The following GRID2 variants were observed in gnomAD, a reference collection of about 807,000 sequenced individuals.
GRID2 encodes the protein glutamate ionotropic receptor delta type subunit 2.
GRID2 carries 33 observed loss-of-function variants against 114.8 expected under a neutral mutation model. That is an observed-to-expected ratio of 0.29 (90% confidence interval 0.22 to 0.38). GRID2 has a LOEUF of 0.38. Among genes scored for constraint, GRID2 ranks in the 10% least tolerant of loss-of-function variants. GRID2 has a pLI of 1.00. For missense variants in GRID2, 1,184 were observed against 1,257.7 expected, an observed-to-expected ratio of 0.94 and a Z score of 0.89; for synonymous variants, 505 against 449.9, an observed-to-expected ratio of 1.12 and a Z score of -1.55.
chr4:92,376,122 A>G (rs1729342784), intron 1 of GRID2, among the ~76,000 whole-genome samples: 1 of 152,032 alleles, frequency 6.6e-6, no homozygotes, highest in South Asian at 2.1e-4. Context: ...ATAAATTTCA[A>G]CACAGTGATA....
chr4:92,411,887 A>G (rs1731352143), intron 1 of GRID2, among the ~76,000 whole-genome samples: 1 of 151,360 alleles, frequency 6.6e-6, no homozygotes, highest in Non-Finnish European at 1.5e-5. Flanking sequence ...TTGTATTTTT[A>G]GTAGATACGG....
At chr4:93,789,570 A>T (rs555639079) in intron 1 of GRID2, among the ~76,000 whole-genome samples, 1 of 152,192 alleles carries the variant, frequency 6.6e-6, no homozygotes, top group Non-Finnish European at 1.5e-5. Flanking sequence ...TTGGTGCCAC[A>T]CTTTTCCTTT....
chr4:92,555,222 G>A (rs1286795202), intron 1 of GRID2, among the ~76,000 whole-genome samples: 1 of 152,088 alleles, frequency 6.6e-6, no homozygotes, highest in Non-Finnish European at 1.5e-5. Flanking sequence ...AATATAAAAG[G>A]CCATATTAAC....
chr4:92,377,180 A>C (rs1029602928), intron 1 of GRID2, among the ~76,000 whole-genome samples: 1 of 152,108 alleles, frequency 6.6e-6, no homozygotes, highest in Admixed American at 6.5e-5. Flanking sequence ...CCTTAACAGC[A>C]CCCAAGTCAC....
chr4:93,465,382 A>G lies in GRID2; in HGVS notation c.1858+9408A>G, dbSNP rs1168941802. On this transcript the variant is annotated intron_variant, in intron 11 of 15. Transcript: ENST00000282020. Reference sequence around the variant, plus strand: ...ATCTATAAAAATGTAAGATTCAGTAACATAAATATCTAACTAAACTACTCT... The same window carrying G: ...ATCTATAAAAATGTAAGATTCAGTAGCATAAATATCTAACTAAACTACTCT... Among the ~76,000 whole-genome samples the G allele has an allele frequency of 2.0e-5, 3 of 152,330 alleles. No homozygotes were observed. In the East Asian group the frequency reaches 5.8e-4, roughly 29 times the overall value.
chr4:93,654,192 T>C (rs1049948753), intron 14 of GRID2, among the ~76,000 whole-genome samples: 1 of 152,190 alleles, frequency 6.6e-6, no homozygotes, highest in Non-Finnish European at 1.5e-5. Context: ...TCTTAAACCA[T>C]GTGTGACTTT....
chr4:92,660,932 G>C (rs1732482405), intron 2 of GRID2, among the ~76,000 whole-genome samples: 1 of 150,854 alleles, frequency 6.6e-6, no homozygotes, highest in Admixed American at 6.6e-5. Flanking sequence ...AGAAATAATA[G>C]CTATTATCGG....
At chr4:93,406,126 A>G (rs1766386899) in intron 9 of GRID2, among the ~76,000 whole-genome samples, 1 of 152,080 alleles carries the variant, frequency 6.6e-6, no homozygotes, top group South Asian at 2.1e-4. Context: ...TATCTATCTA[A>G]TTTACTCCCA....
At chr4:92,841,736 A>G (rs1177153644) in intron 2 of GRID2, among the ~76,000 whole-genome samples, 1 of 152,170 alleles carries the variant, frequency 6.6e-6, no homozygotes, top group East Asian at 1.9e-4. Context: ...TCATTTTGCT[A>G]CCTTATCACT....
intron 3 of GRID2, among the ~76,000 whole-genome samples, chr4:93,093,954 T>C (rs986390911): frequency 1.9e-4 from 29 of 152,204 alleles, no homozygotes; most frequent in African/African-American, 6.7e-4. Context: ...CTGGTTTTGG[T>C]CTACTCCAAG....
At chr4:92,579,644 T>A (rs1016748824) in intron 1 of GRID2, among the ~76,000 whole-genome samples, 3 of 151,900 alleles carry the variant, frequency 2.0e-5, no homozygotes, top group Admixed American at 2.0e-4. Flanking sequence ...CTAACTTTTC[T>A]GATTCTTAGT....
intron 6 of GRID2, 70 bp from the exon 7 acceptor site, chr4:93,224,544 T>A (rs1434238851): frequency 2.1e-6 from 2 of 971,132 alleles, no homozygotes; most frequent in East Asian, 4.9e-5. Flanking sequence ...GTTGAGACAA[T>A]TATTTTTTTT....
intron 14 of GRID2, among the ~76,000 whole-genome samples, chr4:93,758,990 G>C (rs1441160569): frequency 6.6e-6 from 1 of 150,580 alleles, no homozygotes; most frequent in Non-Finnish European, 1.5e-5. Flanking sequence ...ATCTCAGTGG[G>C]AGCCATTGTC....
chr4:92,802,104 T>C (rs1740201172), intron 2 of GRID2, among the ~76,000 whole-genome samples: 1 of 151,970 alleles, frequency 6.6e-6, no homozygotes, highest in Non-Finnish European at 1.5e-5. Flanking sequence ...TTGTCTATCC[T>C]AAGTTGTACT....
Position 92,456,092 on chromosome 4 carries a change from T to C in GRID2, c.89-134039T>C, listed in dbSNP as rs142611218. Among the ~76,000 whole-genome samples the C allele has an allele frequency of 1.2e-3, 185 of 152,210 alleles. No homozygotes were observed. The East Asian group carries it at 0.035, about 29-fold the overall frequency. On this transcript the variant is annotated intron_variant, in intron 1 of 15. Coordinates refer to ENST00000282020, the MANE Select transcript of GRID2 (RefSeq NM_001510.4). ...CTAAATTATATTTCAGTGAAAAGCT[T>C]TCTCTCTAAAGTGCTAAAGGTATTT...
intron 2 of GRID2, among the ~76,000 whole-genome samples, chr4:92,604,282 TC>T (rs1408842247): frequency 6.6e-6 from 1 of 152,072 alleles, no homozygotes; most frequent in Non-Finnish European, 1.5e-5. Flanking sequence ...AGACATAGAA[TC>T]AATCCAAATG....
intron 2 of GRID2, among the ~76,000 whole-genome samples, chr4:93,039,510 A>G (rs1036343498): frequency 2.6e-5 from 4 of 152,054 alleles, no homozygotes; most frequent in Admixed American, 2.6e-4. Flanking sequence ...ATACATGTAT[A>G]TATATTACAT....
chr4:93,091,907 G>C (rs1231225341), intron 3 of GRID2, among the ~76,000 whole-genome samples: 1 of 152,144 alleles, frequency 6.6e-6, no homozygotes, highest in Non-Finnish European at 1.5e-5. Context: ...AGAAAGAAGT[G>C]TTTTGCCCAG....
intron 2 of GRID2, among the ~76,000 whole-genome samples, chr4:92,810,107 A>G (rs930904934): frequency 7.2e-5 from 11 of 152,078 alleles, no homozygotes; most frequent in African/African-American, 2.7e-4. Context: ...ACTACTTAGT[A>G]TAATTTATAT....
Sources: allele counts gnomAD v4.1 joint callset (sites outside exome capture counted in the v4.1 genomes callset), GRCh38; gene constraint gnomAD v4.1.1; transcripts MANE v1.5; gene names NCBI Gene and HGNC (gene_info 2026-07-23, HGNC 2026-07-21).